Variants in RAF1 observed in about 807,000 individuals in gnomAD.
RAF1 encodes the protein Raf-1 proto-oncogene, serine/threonine kinase.
A neutral mutation model predicts 81.1 loss-of-function variants in RAF1; 27 were observed. The ratio of observed to expected loss-of-function variants is 0.33; its 90% CI spans 0.25 to 0.46. RAF1 has a LOEUF of 0.46. Among genes scored for constraint, RAF1 ranks in the 20% least tolerant of loss-of-function variants. The pLI, the probability that RAF1 is intolerant of heterozygous loss-of-function variation, is 1.00. For missense variants in RAF1, 598 were observed against 826.0 expected (o/e 0.72, Z 3.38); for synonymous variants, 298 against 294.0 (o/e 1.01, Z -0.14).
intron 2 of RAF1, 132 bp from the exon 3 acceptor site, chr3:12,612,194 G>C (rs1247903648): frequency 2.2e-5 from 16 of 722,832 alleles, no homozygotes; most frequent in East Asian, 7.8e-5. Flanking sequence ...GAAACAACCT[G>C]AATGTCCAGC....
chr3:12,609,100 T>C, intron 4 of RAF1, 133 bp downstream of exon 4: 1 of 1,029,150 alleles, frequency 9.7e-7, no homozygotes, highest in Non-Finnish European at 1.5e-6. Context: ...ATTGCCTTAC[T>C]GTAAACAACA....
At chr3:12,590,639 C>T (rs1029339846) in intron 13 of RAF1, 159 bp downstream of exon 12, 10 of 844,494 alleles carry the variant, frequency 1.2e-5, no homozygotes, top group Non-Finnish European at 1.9e-5. Context: ...ACCTGAACAA[C>T]TCATTCCTGA....
intron 1 of RAF1, among the ~76,000 whole-genome samples, chr3:12,660,867 C>T (rs2060853462): frequency 6.6e-6 from 1 of 152,086 alleles, no homozygotes; most frequent in African/African-American, 2.4e-5. Context: ...CCCAGCTACT[C>T]AGGAGGCTGA....
Position 12,612,023 on chromosome 3 carries a change from T to C in RAF1, c.247A>G (p.Met83Val). The stretch of plus-strand genomic sequence containing the variant: ...AGGCCCCTCACCTTGAGTGCTTTCA[T>C]AAGGCAGTCATGCAAGCTCATTCCA... Residue 83 changes from methionine (M) to valine (V), a missense_variant, in exon 3 of 18, where the codon ATG (methionine) becomes GTG (valine). Physicochemically the swap from Met to Val is conservative, Grantham distance 21. Coordinates refer to ENST00000442415, the MANE Select transcript of RAF1 (RefSeq NM_001354689.3). 3.1e-6 allele frequency: 5 copies of C among 1,614,140 alleles called. No individual in the cohort carries two copies. The highest frequency in any genetic ancestry group is 4.2e-6 in the Non-Finnish European group (5 of 1,180,018).
intron 10 of RAF1, 70 bp from the exon 10 acceptor site, chr3:12,599,878 AG>A: frequency 7.9e-7 from 1 of 1,264,522 alleles, no homozygotes; most frequent in East Asian, 2.3e-5. Context: ...AGGGCATCAA[AG>A]GATCAACCCA....
intron 1 of RAF1, among the ~76,000 whole-genome samples, chr3:12,646,474 A>G (rs796742087): frequency 1.1e-4 from 16 of 152,230 alleles, no homozygotes; most frequent in African/African-American, 3.6e-4. Context: ...TCCAGGTTCA[A>G]GTAATTCTCC....
In RAF1 at chr3:12,646,272, C is replaced by T. The variant is rs529102174; in HGVS notation, c.-27+17541G>A. On this transcript the variant is annotated intron_variant, in intron 1 of 17. Transcript: ENST00000442415. ...CCTCCCACCTCAGCCTCCTGAGTAG[C>T]TGGAAAAATATAATCTTTCATTCAT... Among the ~76,000 whole-genome samples the T allele has an allele frequency of 2.6e-5, 4 of 152,290 alleles. No individual in the cohort carries two copies. In the South Asian group the frequency reaches 8.3e-4, roughly 32 times the overall value.
chr3:12,598,755 C>CAAAAAAAAAAAAAAA (rs1559418330), intron 11 of RAF1, among the ~76,000 whole-genome samples: 1 of 98,930 alleles, frequency 1.0e-5, no homozygotes, highest in Non-Finnish European at 2.3e-5. Flanking sequence ...AAAAAAAAAC[C>CAAAAAAAAAAAAAAA]ACCAAGTACT....
intron 1 of RAF1, among the ~76,000 whole-genome samples, chr3:12,645,329 G>C (rs1204235761): frequency 1.3e-5 from 2 of 151,960 alleles, no homozygotes; most frequent in African/African-American, 4.8e-5. Flanking sequence ...TTATCTCACA[G>C]AACTGTTAGA....
At chr3:12,615,341 T>G (rs1055209138) in intron 2 of RAF1, among the ~76,000 whole-genome samples, 3 of 152,200 alleles carry the variant, frequency 2.0e-5, no homozygotes, top group Admixed American at 6.5e-5. Context: ...AACCTAATTA[T>G]CACATCTAAA....
intron 11 of RAF1, among the ~76,000 whole-genome samples, chr3:12,592,731 CTTTTT>C (rs35189562): frequency 3.7e-5 from 4 of 107,224 alleles, no homozygotes; most frequent in Admixed American, 1.1e-4. Flanking sequence ...TTAAAAGCCA[CTTTTT>C]TTTTTTTTTT....
In RAF1 at chr3:12,593,786, C is replaced by CTT. The variant is rs756831846; in HGVS notation, c.1169-1996_1169-1995dup. Among the ~76,000 whole-genome samples the CTT allele has an allele frequency of 5.4e-3, 599 of 111,254 alleles. 11 individuals carry two copies. The highest frequency in any genetic ancestry group is 0.014 in the African/African-American group (429 of 31,664). 73.0% of individuals were successfully genotyped at this position (111,254 alleles called of 152,430 possible). A position where few individuals can be genotyped will look rare whatever the true frequency, so the allele number is the denominator to read the frequency against. On this transcript the variant is annotated intron_variant, in intron 11 of 17. Coordinates refer to ENST00000442415, the MANE Select transcript of RAF1 (RefSeq NM_001354689.3). ...GTTCCCCAAGATGGGGGAGTAAATC[C>CTT]TTTTTTTTTTTTTTTTTTTCTTTTT...
chr3:12,623,177 C>T (rs2059599756), intron 1 of RAF1, among the ~76,000 whole-genome samples: 1 of 152,156 alleles, frequency 6.6e-6, no homozygotes, highest in Non-Finnish European at 1.5e-5. Flanking sequence ...TGTGCCCCTG[C>T]ACCCAGCTTG....
chr3:12,596,306 G>A (rs950957525), intron 11 of RAF1, among the ~76,000 whole-genome samples: 3 of 150,652 alleles, frequency 2.0e-5, no homozygotes, highest in Non-Finnish European at 2.9e-5. Context: ...CAATTCTCCT[G>A]CCTTAGCCTC....
chr3:12,605,213 T>C (rs1490716543), intron 6 of RAF1, among the ~76,000 whole-genome samples: 1 of 151,892 alleles, frequency 6.6e-6, no homozygotes, highest in Non-Finnish European at 1.5e-5. Context: ...AATATTTCCA[T>C]AGTATTTTCA....
intron 1 of RAF1, among the ~76,000 whole-genome samples, chr3:12,638,633 G>C (rs766509133): frequency 6.6e-6 from 1 of 152,280 alleles, no homozygotes; most frequent in East Asian, 1.9e-4. Flanking sequence ...TTGTTCATCT[G>C]TTCTGTCACA....
chr3:12,618,474 C>A, intron 2 of RAF1, 41 bp downstream of exon 2: 1 of 1,595,530 alleles, frequency 6.3e-7, no homozygotes, highest in Non-Finnish European at 8.6e-7. Flanking sequence ...GCTCCACAGG[C>A]AGATAAATAG....
At chr3:12,590,722 T>C in intron 13 of RAF1, 76 bp downstream of exon 12, 1 of 1,487,828 alleles carries the variant, frequency 6.7e-7, no homozygotes, top group Non-Finnish European at 9.4e-7. Context: ...ACTAGAAGGC[T>C]TTTCCTGATC....
chr3:12,629,443 T>C (rs2059801577), intron 1 of RAF1, among the ~76,000 whole-genome samples: 1 of 152,198 alleles, frequency 6.6e-6, no homozygotes, highest in Non-Finnish European at 1.5e-5. Flanking sequence ...TTAGCTAATG[T>C]ATTAGCTAAT....
Sources: gnomAD v4.1 joint callset for allele counts (sites outside exome capture counted in the v4.1 genomes callset) on GRCh38, gnomAD v4.1.1 for gene constraint, MANE v1.5 for transcripts, NCBI Gene and HGNC (gene_info 2026-07-23, HGNC 2026-07-21) for gene names.